NAALADL2: variants seen among roughly 807,000 people sequenced by gnomAD.
NAALADL2 encodes N-acetylated alpha-linked acidic dipeptidase like 2.
A neutral mutation model predicts 87.2 loss-of-function variants in NAALADL2; 76 were observed. The observed-to-expected ratio is 0.87, with a 90% CI of 0.72 to 1.05. The LOEUF (loss-of-function observed/expected upper bound fraction) is 1.05. Among genes scored for constraint, NAALADL2 ranks in the 50% least tolerant of loss-of-function variants. NAALADL2 has a pLI of 0.00. For missense variants in NAALADL2, 1,089 were observed against 945.8 expected, an observed-to-expected ratio of 1.15 and a Z score of -1.99; for synonymous variants, 354 against 331.0, an observed-to-expected ratio of 1.07 and a Z score of -0.75.
At chr3:174,991,850 C>G (rs1011353936) in intron 1 of NAALADL2, among the ~76,000 whole-genome samples, 1 of 151,982 alleles carries the variant, frequency 6.6e-6, no homozygotes, top group Non-Finnish European at 1.5e-5. Flanking sequence ...CTGAATGAAA[C>G]TTTTAGGAAA....
At chr3:175,667,985 G>A (rs112411621) in intron 11 of NAALADL2, among the ~76,000 whole-genome samples, 3 of 152,264 alleles carry the variant, frequency 2.0e-5, no homozygotes, top group African/African-American at 7.2e-5. Context: ...AGCCTGCAAT[G>A]TGGAAAGTGC....
intron 2 of NAALADL2, among the ~76,000 whole-genome samples, chr3:175,132,991 C>T (rs1351263751): frequency 6.6e-6 from 1 of 151,802 alleles, no homozygotes; most frequent in Non-Finnish European, 1.5e-5. Context: ...CAGAGACGCT[C>T]CTCACCTCCC....
At position 175,667,250 on chromosome 3, in the gene NAALADL2, AAAGAAAG is replaced by A. The variant is rs1560943817; in HGVS notation, c.1896+39867_1896+39873del. ...AAGAAAGAAAGAAAGAAAAAGAAAG[AAAGAAAG>A]AAAGAAAGGAAGGAAGGGATGGGGA... is the stretch of plus-strand genomic sequence containing the variant. On this transcript the variant is annotated intron_variant, in intron 11 of 13. Coordinates refer to ENST00000454872, the MANE Select transcript of NAALADL2 (RefSeq NM_207015.3). Among the ~76,000 whole-genome samples the A allele has an allele frequency of 6.2e-4, 88 of 141,854 alleles. 1 individual carries two copies. Among genetic ancestry groups the A allele is most frequent in the African/African-American group, 2.4e-3 (83 of 34,126 alleles). 93.1% of individuals were successfully genotyped at this position (141,854 alleles called of 152,430 possible). A position where few individuals can be genotyped will look rare whatever the true frequency, so the allele number is the denominator to read the frequency against.
chr3:174,515,322 T>C lies in NAALADL2; in HGVS notation c.-183-35247T>C, dbSNP rs143489297. On this transcript the variant is annotated intron_variant, in intron 1 of 3. Coordinates refer to the NAALADL2 transcript ENST00000434257. ...TCTTGCTTTAAATTCTCTTTTGCCA[T>C]GCACTGGCTATGTGTCCTTGAACAA... Among the ~76,000 whole-genome samples the C allele has an allele frequency of 2.4e-3, 359 of 152,236 alleles. 3 individuals carry two copies. The highest frequency in any genetic ancestry group is 8.3e-3 in the African/African-American group (346 of 41,560).
At chr3:175,014,680 T>G (rs1170901995) in intron 1 of NAALADL2, among the ~76,000 whole-genome samples, 1 of 152,190 alleles carries the variant, frequency 6.6e-6, no homozygotes, top group Non-Finnish European at 1.5e-5. Context: ...CTATTCCATT[T>G]ATTGCAAATG....
At chr3:175,250,082 A>T (rs1021601781) in intron 3 of NAALADL2, among the ~76,000 whole-genome samples, 1 of 151,908 alleles carries the variant, frequency 6.6e-6, no homozygotes, top group African/African-American at 2.4e-5. Flanking sequence ...AGGCAGGAGA[A>T]TCGCTTGAAC....
chr3:174,678,121 C>A (rs1727212542), intron 2 of NAALADL2, among the ~76,000 whole-genome samples: 1 of 152,070 alleles, frequency 6.6e-6, no homozygotes, highest in Admixed American at 6.6e-5. Context: ...CAAGGACAGG[C>A]CATGAATAAT....
chr3:175,170,990 C>T (rs909951348), intron 2 of NAALADL2, among the ~76,000 whole-genome samples: 23 of 151,970 alleles, frequency 1.5e-4, no homozygotes, highest in Admixed American at 1.3e-3. Context: ...TTTTCTCATT[C>T]ACATTTTTTC....
chr3:175,712,627 T>C (rs756495718), intron 11 of NAALADL2, among the ~76,000 whole-genome samples: 55 of 152,070 alleles, frequency 3.6e-4, no homozygotes, highest in Admixed American at 2.0e-4. Context: ...GTTTTATATA[T>C]GTGTGCCAGT....
chr3:175,465,822 G>C (rs560878580), intron 7 of NAALADL2, among the ~76,000 whole-genome samples: 30 of 152,242 alleles, frequency 2.0e-4, no homozygotes, highest in Admixed American at 5.9e-4. Context: ...TTCCTGTGTG[G>C]AAAACTAAAA....
At chr3:175,621,780 A>G (rs1471972137) in intron 10 of NAALADL2, among the ~76,000 whole-genome samples, 1 of 152,110 alleles carries the variant, frequency 6.6e-6, no homozygotes, top group African/African-American at 2.4e-5. Context: ...TTATATGCAA[A>G]TACTATACCA....
rs556391449 is a variant in NAALADL2 at position 175,214,146 on chromosome 3, T to G, written c.546-19785T>G. On this transcript the variant is annotated intron_variant, in intron 2 of 13. Coordinates refer to ENST00000454872, the MANE Select transcript of NAALADL2 (RefSeq NM_207015.3). ...ATATTTGGAGAAGAAATACTGGCATTGCTTTTATGTTGATAGGTTGTGTTT... is the reference window on the plus strand; with the variant it reads ...ATATTTGGAGAAGAAATACTGGCATGGCTTTTATGTTGATAGGTTGTGTTT... 1.1e-4 allele frequency among the ~76,000 whole-genome samples: 16 copies of G among 152,320 alleles called. No individual in the cohort carries two copies. In the South Asian group the frequency reaches 1.9e-3, roughly 18 times the overall value.
chr3:175,787,034 G>A (rs895587103), intron 13 of NAALADL2, among the ~76,000 whole-genome samples: 1 of 151,904 alleles, frequency 6.6e-6, no homozygotes, highest in South Asian at 2.1e-4. Flanking sequence ...GTTGGTCAGG[G>A]GTCAGGGACC....
At chr3:174,634,044 G>T (rs1162627320) in intron 2 of NAALADL2, among the ~76,000 whole-genome samples, 2 of 152,142 alleles carry the variant, frequency 1.3e-5, no homozygotes, top group Non-Finnish European at 2.9e-5. Context: ...ATTATGTAAA[G>T]ATCTGGACCT....
intron 11 of NAALADL2, among the ~76,000 whole-genome samples, chr3:175,699,808 G>A (rs529537766): frequency 6.6e-6 from 1 of 152,140 alleles, no homozygotes; most frequent in South Asian, 2.1e-4. Flanking sequence ...AGTCATTATT[G>A]TAATAGGTCC....
chr3:175,078,562 C>G (rs1717097917), intron 1 of NAALADL2, among the ~76,000 whole-genome samples: 1 of 152,282 alleles, frequency 6.6e-6, no homozygotes. Flanking sequence ...AGTCCCCATT[C>G]ATTAGCAGTT....
chr3:175,521,385 A>G (rs1394761341), intron 9 of NAALADL2, among the ~76,000 whole-genome samples: 1 of 152,126 alleles, frequency 6.6e-6, no homozygotes, highest in Non-Finnish European at 1.5e-5. Flanking sequence ...TTCAAAATAT[A>G]TACAATTTAA....
At chr3:175,275,587 A>G (rs988233897) in intron 4 of NAALADL2, among the ~76,000 whole-genome samples, 1 of 151,760 alleles carries the variant, frequency 6.6e-6, no homozygotes, top group Non-Finnish European at 1.5e-5. Context: ...TCCTTGTAAC[A>G]AAATGACTGT....
At chr3:174,818,289 C>G (rs1477716746) in intron 3 of NAALADL2, among the ~76,000 whole-genome samples, 1 of 152,060 alleles carries the variant, frequency 6.6e-6, no homozygotes, top group Non-Finnish European at 1.5e-5. Context: ...TTAGGTGCCA[C>G]GTCTCTAGCT....
Sources: gnomAD v4.1 joint callset for allele counts (sites outside exome capture counted in the v4.1 genomes callset) on GRCh38, gnomAD v4.1.1 for gene constraint, MANE v1.5 for transcripts, NCBI Gene and HGNC (gene_info 2026-07-23, HGNC 2026-07-21) for gene names.